Variants in BLTP1 observed in about 807,000 individuals in gnomAD.
The protein encoded by BLTP1 is bridge-like lipid transfer protein family member 1.
the BLTP1 span, chr4:122,359,283 T>C: frequency 1.0e-6 from 1 of 964,580 alleles, no homozygotes; most frequent in African/African-American, 1.8e-5. Context: ...ACAGCCATTC[T>C]TTAGGAAACC....
chr4:122,262,701 T>C, the BLTP1 span: 11 of 1,508,228 alleles, frequency 7.3e-6, no homozygotes, highest in Admixed American at 2.2e-5. Context: ...GTAATAGTGG[T>C]TGTAGTTATC....
chr4:122,204,889 A>ATTTT, the BLTP1 span: 1 of 738,544 alleles, frequency 1.4e-6, no homozygotes, highest in Non-Finnish European at 1.7e-6. Context: ...AAATAAAAAT[A>ATTTT]TATTTAAGGT....
the BLTP1 span, among the ~76,000 whole-genome samples, chr4:122,299,292 T>C: frequency 6.6e-6 from 1 of 152,136 alleles, no homozygotes; most frequent in Non-Finnish European, 1.5e-5. Flanking sequence ...GATAAATATA[T>C]GCACTCAGTA....
At chr4:122,203,870 T>C in the BLTP1 span, 1 of 479,468 alleles carries the variant, frequency 2.1e-6, no homozygotes, top group Non-Finnish European at 2.7e-6. Context: ...ATAATAAGAT[T>C]TGTTAAAATA....
chr4:122,239,664 T>C, the BLTP1 span: 1 of 1,614,094 alleles, frequency 6.2e-7, no homozygotes, highest in Non-Finnish European at 8.5e-7. Flanking sequence ...TACTGCTGCT[T>C]TCTATGGGGA....
the BLTP1 span, chr4:122,289,229 T>C: frequency 7.1e-7 from 1 of 1,418,048 alleles, no homozygotes; most frequent in Non-Finnish European, 9.7e-7. Flanking sequence ...TAGGTGTAGG[T>C]TTTTATTCTC....
At chr4:122,316,593 A>T in the BLTP1 span, 2 of 1,154,940 alleles carry the variant, frequency 1.7e-6, no homozygotes, top group South Asian at 1.3e-5. Flanking sequence ...GAAGGGATTT[A>T]AATCAATGGA....
the BLTP1 span, among the ~76,000 whole-genome samples, chr4:122,343,069 C>G: frequency 6.6e-6 from 1 of 152,160 alleles, no homozygotes; most frequent in African/African-American, 2.4e-5. Flanking sequence ...TTCTCCCCCA[C>G]TTTGCTTAAG....
At chr4:122,196,405 A>G in the BLTP1 span, among the ~76,000 whole-genome samples, 1 of 152,162 alleles carries the variant, frequency 6.6e-6, no homozygotes, top group Non-Finnish European at 1.5e-5. Context: ...AGTTTGTCGT[A>G]GTAATCTTGA....
At chr4:122,358,594 C>CAGTA in the BLTP1 span, among the ~76,000 whole-genome samples, 1 of 152,098 alleles carries the variant, frequency 6.6e-6, no homozygotes, top group Non-Finnish European at 1.5e-5. Flanking sequence ...TAACCACCAC[C>CAGTA]AGTAATAAAC....
chr4:122,270,421 G>C, the BLTP1 span: 38 of 866,192 alleles, frequency 4.4e-5, no homozygotes, highest in Non-Finnish European at 5.3e-5. Flanking sequence ...AGATATTTTT[G>C]ACTTTCTATA....
At chr4:122,205,524 T>A in the BLTP1 span, among the ~76,000 whole-genome samples, 3 of 150,536 alleles carry the variant, frequency 2.0e-5, no homozygotes, top group South Asian at 6.3e-4. Flanking sequence ...TCTCTCTCTC[T>A]CTAGTGTCAA....
chr4:122,335,011 A>C, the BLTP1 span, among the ~76,000 whole-genome samples: 1 of 151,946 alleles, frequency 6.6e-6, no homozygotes, highest in Non-Finnish European at 1.5e-5. Context: ...GATCTAACTT[A>C]TGGTCTTTTA....
chr4:122,219,364 A>G, the BLTP1 span: 1 of 1,613,752 alleles, frequency 6.2e-7, no homozygotes, highest in South Asian at 1.1e-5. Flanking sequence ...GGAAGATGAC[A>G]TGTATATGGA....
chr4:122,226,819 G>A, the BLTP1 span: 83 of 1,607,348 alleles, frequency 5.2e-5, no homozygotes, highest in Non-Finnish European at 6.7e-5. Context: ...ATTGATCGTC[G>A]GTTCTGTGAA....
the BLTP1 span, chr4:122,197,578 G>A: frequency 2.5e-6 from 1 of 393,958 alleles, no homozygotes; most frequent in Non-Finnish European, 3.5e-6. Flanking sequence ...CACTTTGAGA[G>A]CAGGTGCTGT....
At chr4:122,195,690 A>G in the BLTP1 span, 1 of 823,446 alleles carries the variant, frequency 1.2e-6, no homozygotes, top group Non-Finnish European at 1.5e-6. Flanking sequence ...ATGATCATCT[A>G]ATGGATTCTC....
At chr4:122,230,265 A>G in the BLTP1 span, 2 of 1,424,232 alleles carry the variant, frequency 1.4e-6, no homozygotes, top group Middle Eastern at 2.1e-4. Flanking sequence ...GAAAAAAACT[A>G]GATAATTGTA....
the BLTP1 span, chr4:122,309,416 TG>T: frequency 1.2e-6 from 2 of 1,613,300 alleles, no homozygotes; most frequent in Non-Finnish European, 1.7e-6. Flanking sequence ...TGAGACATCA[TG>T]GGATGACTGG....
Sources: allele counts gnomAD v4.1 joint callset (sites outside exome capture counted in the v4.1 genomes callset), GRCh38; gene constraint gnomAD v4.1.1; transcripts MANE v1.5; gene names NCBI Gene and HGNC (gene_info 2026-07-23, HGNC 2026-07-21).